Variants in EBF4 observed in about 807,000 individuals in gnomAD.
EBF4 encodes the protein transcription factor COE4.
EBF4 carries 34 observed loss-of-function variants against 67.1 expected under a neutral mutation model. That is an observed-to-expected ratio of 0.51 (90% CI 0.39 to 0.67). EBF4 has a LOEUF of 0.67. EBF4 is among the 30% of genes least tolerant of loss of function. The pLI is 0.00. For synonymous variants in EBF4, 387 were observed against 377.7 expected, an observed-to-expected ratio of 1.02 and a Z score of -0.29; for missense variants, 837 against 873.3, an observed-to-expected ratio of 0.96 and a Z score of 0.52.
At chr20:2,738,280 C>T (rs2087918216) in intron 6 of EBF4, among the ~76,000 whole-genome samples, 1 of 152,176 alleles carries the variant, frequency 6.6e-6, no homozygotes, top group Non-Finnish European at 1.5e-5. Context: ...GAACCCACAA[C>T]TTCTTTCCTT....
intron 1 of EBF4, among the ~76,000 whole-genome samples, chr20:2,704,896 G>C (rs1396576297): frequency 6.6e-6 from 1 of 152,246 alleles, no homozygotes; most frequent in Non-Finnish European, 1.5e-5. Context: ...TCTGGGCATG[G>C]TTTCTGATGA....
At chr20:2,722,462 T>C (rs2087694202) in intron 6 of EBF4, among the ~76,000 whole-genome samples, 1 of 152,194 alleles carries the variant, frequency 6.6e-6, no homozygotes, top group South Asian at 2.1e-4. Context: ...CCTTTATCAG[T>C]ACTCTACTAA....
chr20:2,715,831 C>T (rs995635835), intron 6 of EBF4, among the ~76,000 whole-genome samples: 2 of 152,190 alleles, frequency 1.3e-5, no homozygotes, highest in African/African-American at 4.8e-5. Flanking sequence ...TCACTGCAAC[C>T]TCTGCCTCCC....
Position 2,749,711 on chromosome 20 carries a change from C to A in EBF4, c.849C>A (p.Asp283Glu), listed in dbSNP as rs1156848954. ...TTGTCATCGGCGACAACTTCTTCGA[C>A]GGGTTGCAGGTCGTGTTCGGAAACG... Residue 283 changes from aspartate (D) to glutamate (E), a missense_variant, in exon 9 of 17, where the codon GAC becomes GAA. By Grantham distance (45) the Asp-to-Glu change is conservative (BLOSUM62 2). Coordinates refer to ENST00000609451, the Ensembl canonical transcript of EBF4. 1.9e-6 allele frequency: 3 copies of A among 1,555,508 alleles called. No individual in the cohort carries two copies. In the South Asian group the frequency reaches 3.6e-5, roughly 18 times the overall value.
chr20:2,759,972 C>T (rs2088301585), downstream of EBF4: 1 of 152,360 alleles, frequency 6.6e-6, no homozygotes, highest in Admixed American at 6.5e-5. Context: ...CACAATGACT[C>T]TGGCTGGCCC....
At chr20:2,757,872 G>C (rs6051362) in intron 15 of EBF4, among the ~76,000 whole-genome samples, 2 of 152,308 alleles carry the variant, frequency 1.3e-5, no homozygotes, top group African/African-American at 4.8e-5. Context: ...ACTTGAGACT[G>C]GGAGGTCAAG....
At chr20:2,750,641 C>G (rs898244063) in intron 10 of EBF4, among the ~76,000 whole-genome samples, 1 of 152,206 alleles carries the variant, frequency 6.6e-6, no homozygotes, top group African/African-American at 2.4e-5. Context: ...CGATGCTCAT[C>G]GAGCCCTTCG....
rs142181164 is a variant in EBF4, at chr20:2,745,567, T to C, written c.558-2982T>C. On this transcript the variant is annotated intron_variant, in intron 6 of 16. Coordinates refer to ENST00000609451, the Ensembl canonical transcript of EBF4. The surrounding 1 kb of genome is among the most constrained non-coding windows in gnomAD (Gnocchi z 5.2). ...ATGGTGGCTGTACAGGGCGTGAGAA[T>C]TGGTGTGGACCCAAAGGACAAATGA... 8.7e-3 allele frequency among the ~76,000 whole-genome samples: 1,319 copies of C among 152,202 alleles called. 8 individuals are homozygous for C. Among genetic ancestry groups the C allele is most frequent in the Admixed American group, 0.017 (266 of 15,300 alleles).
At chr20:2,746,379 C>T (rs1568585326) in intron 6 of EBF4, among the ~76,000 whole-genome samples, 1 of 152,106 alleles carries the variant, frequency 6.6e-6, no homozygotes, top group Non-Finnish European at 1.5e-5. Context: ...AATGGATTGT[C>T]TACACTGTAG....
intron 1 of EBF4, among the ~76,000 whole-genome samples, chr20:2,694,295 A>G (rs1009336794): frequency 1.3e-5 from 2 of 152,142 alleles, no homozygotes; most frequent in Non-Finnish European, 2.9e-5. Context: ...ACGGTGGCGA[A>G]GAGATGAGGT....
At chr20:2,727,381 C>G (rs1181792134) in intron 6 of EBF4, among the ~76,000 whole-genome samples, 1 of 152,136 alleles carries the variant, frequency 6.6e-6, no homozygotes, top group Non-Finnish European at 1.5e-5. Flanking sequence ...GGTTCCCCAT[C>G]CTGCCCACAC....
At chr20:2,749,501 G>A (rs2146497249) in exon 8 of EBF4, 2 of 1,547,284 alleles carry the variant, frequency 1.3e-6, no homozygotes, top group Non-Finnish European at 1.7e-6. Context: ...AGGGCGCGCC[G>A]CCTGGACCCC....
At chr20:2,737,074 C>T (rs1050322893) in intron 6 of EBF4, among the ~76,000 whole-genome samples, 3 of 151,656 alleles carry the variant, frequency 2.0e-5, no homozygotes, top group South Asian at 2.1e-4. Flanking sequence ...ACGGTGAAAC[C>T]CCGTCTCTAC....
Position 2,709,658 on chromosome 20 carries a change from G to C in EBF4, c.557+16G>C, listed in dbSNP as rs2087513026. Reference sequence around the variant, plus strand: ...TCATTGACAGGTACAGGCTCAGGGAGGGGGCCTGGAAGCTCAGAGGAGAGT... The same window carrying C: ...TCATTGACAGGTACAGGCTCAGGGACGGGGCCTGGAAGCTCAGAGGAGAGT... On this transcript the variant is annotated intron_variant, in intron 6 of 16. Coordinates refer to ENST00000609451, the Ensembl canonical transcript of EBF4. The C allele has an allele frequency of 6.5e-7, 1 of 1,526,820 alleles. No individual in the cohort carries two copies. The highest frequency in any genetic ancestry group is 2.5e-5 in the East Asian group (1 of 39,482). The allele number at this position is 1,526,820 out of a possible 1,614,324, so 94.6% of individuals were successfully genotyped here. A position where few individuals can be genotyped will look rare whatever the true frequency, so the allele number is the denominator to read the frequency against.
At chr20:2,714,007 A>G (rs2146406018) in intron 6 of EBF4, among the ~76,000 whole-genome samples, 1 of 152,328 alleles carries the variant, frequency 6.6e-6, no homozygotes, top group African/African-American at 2.4e-5. Flanking sequence ...GACAGGGACA[A>G]ATGTTCAAGG....
chr20:2,710,993 C>A (rs1251262882), intron 6 of EBF4, among the ~76,000 whole-genome samples: 2 of 151,790 alleles, frequency 1.3e-5, no homozygotes, highest in African/African-American at 2.4e-5. Context: ...AATACACACA[C>A]AAAAATTAGC....
chr20:2,708,148 G>A, intron 5 of EBF4, 128 bp downstream of exon 5: 1 of 985,846 alleles, frequency 1.0e-6, no homozygotes, highest in South Asian at 1.8e-5. Context: ...GAGAAGCCTG[G>A]TGGCAGGTGA....
intron 16 of EBF4, 32 bp from the exon 17 acceptor site, chr20:2,759,236 G>A (rs970558107): frequency 5.5e-6 from 3 of 548,668 alleles, no homozygotes; most frequent in Admixed American, 6.2e-5. Flanking sequence ...CTTCCTCCCC[G>A]ACCTTCTTCT....
chr20:2,708,482 A>G (rs2087491722), intron 5 of EBF4, among the ~76,000 whole-genome samples: 1 of 152,184 alleles, frequency 6.6e-6, no homozygotes. Context: ...AGAGCTTGGC[A>G]TTTCTAGTAA....
Sources: allele counts gnomAD v4.1 joint callset (sites outside exome capture counted in the v4.1 genomes callset), GRCh38; gene constraint gnomAD v4.1.1; non-coding constraint Gnocchi (gnomAD v3.1); transcripts MANE v1.5; gene names NCBI Gene and HGNC (gene_info 2026-07-23, HGNC 2026-07-21).